PATJ: variants seen among roughly 807,000 people sequenced by gnomAD.
PATJ encodes inaD-like protein.
Under a neutral mutation model 224.9 loss-of-function variants are expected in PATJ, and 190 were observed. The ratio of observed to expected loss-of-function variants is 0.84; its 90% confidence interval spans 0.75 to 0.95. The LOEUF (loss-of-function observed/expected upper bound fraction) is 0.95. Ranked by LOEUF, PATJ falls within the 40% of genes least tolerant of loss-of-function variation. The pLI, the probability that PATJ is intolerant of heterozygous loss-of-function variation, is 0.00. For synonymous variants in PATJ, 769 were observed against 820.3 expected, an observed-to-expected ratio of 0.94 and a Z score of 1.07; for missense variants, 2,121 against 2,270.3, an observed-to-expected ratio of 0.93 and a Z score of 1.34.
chr1:62,079,625 C>A, intron 32 of PATJ, 58 bp downstream of exon 32: 2 of 1,097,752 alleles, frequency 1.8e-6, no homozygotes, highest in South Asian at 1.3e-5. Context: ...GGCAAGGGAT[C>A]ATAATGTCCT....
intron 17 of PATJ, among the ~76,000 whole-genome samples, chr1:61,834,720 A>G (rs1659890684): frequency 6.6e-6 from 1 of 152,168 alleles, no homozygotes; most frequent in African/African-American, 2.4e-5. Flanking sequence ...TAGTTTGAGC[A>G]TTGTATAAGA....
Position 61,814,519 on chromosome 1 carries a change from AGTGT to A in PATJ, c.1683+6015_1683+6018del, listed in dbSNP as rs67159092. Among the ~76,000 whole-genome samples, 500 of 144,032 alleles carry A rather than the reference AGTGT, an allele frequency of 3.5e-3. 1 individual carries two copies. The highest frequency in any genetic ancestry group is 7.1e-3 in the Middle Eastern group (2 of 280). The allele number at this position is 144,032 out of a possible 152,430, so 94.5% of individuals were successfully genotyped here. On this transcript the variant is annotated intron_variant, in intron 14 of 43. Transcript: ENST00000642238. ...AGTCAGTATTACCTGCCTTTTGTTT[AGTGT>A]GTGTGTGTGTGTGTGTGTGTGTGTG...
chr1:62,007,726 G>A (rs1646175921), intron 28 of PATJ, among the ~76,000 whole-genome samples: 1 of 152,150 alleles, frequency 6.6e-6, no homozygotes, highest in South Asian at 2.1e-4. Flanking sequence ...TTCTTGTTGA[G>A]GGCTGTCTTC....
chr1:62,123,257 G>T (rs1352573412), intron 39 of PATJ, among the ~76,000 whole-genome samples, 199 bp downstream of exon 39: 2 of 151,822 alleles, frequency 1.3e-5, no homozygotes, highest in Non-Finnish European at 2.9e-5. Flanking sequence ...TGAATTTTTT[G>T]GCAAATCTCA....
At chr1:62,060,990 C>T (rs1004574451) in intron 31 of PATJ, among the ~76,000 whole-genome samples, 1 of 151,894 alleles carries the variant, frequency 6.6e-6, no homozygotes, top group Non-Finnish European at 1.5e-5. Flanking sequence ...CCACGCCCAG[C>T]CATTCAACTT....
intron 39 of PATJ, among the ~76,000 whole-genome samples, chr1:62,124,766 G>A (rs1301024684): frequency 1.3e-5 from 2 of 152,110 alleles, no homozygotes; most frequent in Admixed American, 1.3e-4. Context: ...CATCCCTGGT[G>A]TCTCTCCTAT....
At chr1:61,745,892 C>T (rs1191803997) in intron 1 of PATJ, among the ~76,000 whole-genome samples, 2 of 151,384 alleles carry the variant, frequency 1.3e-5, no homozygotes, top group African/African-American at 4.9e-5. Flanking sequence ...GCGTGAACCA[C>T]CGGGCCTGGC....
chr1:61,885,903 C>T lies in PATJ; in HGVS notation c.3131+1495C>T, dbSNP rs113427466. Among the ~76,000 whole-genome samples, 1,260 of 151,358 alleles carry T rather than the reference C, an allele frequency of 8.3e-3. 21 individuals carry two copies. The highest frequency in any genetic ancestry group is 0.029 in the African/African-American group (1,189 of 41,134). On this transcript the variant is annotated intron_variant, in intron 22 of 43. Coordinates refer to ENST00000642238, the MANE Select transcript of PATJ (RefSeq NM_001350145.3). ...GGACATGGATGAAATTGGAAATCAT[C>T]GTTCTCAGTAAACTATCGCAAGGAG...
intron 22 of PATJ, among the ~76,000 whole-genome samples, chr1:61,898,948 A>G (rs1670743134): frequency 7.3e-6 from 1 of 136,354 alleles, no homozygotes; most frequent in African/African-American, 2.9e-5. Flanking sequence ...CACCATGCAC[A>G]GCTGATTTTT....
intron 11 of PATJ, among the ~76,000 whole-genome samples, chr1:61,798,073 T>C (rs111498051): frequency 0.014 from 2,084 of 152,362 alleles, 46 homozygotes; most frequent in African/African-American, 0.046. Context: ...TCCAACATGC[T>C]GTAATTACAC....
chr1:62,097,740 A>G (rs544554639), intron 33 of PATJ, among the ~76,000 whole-genome samples: 4 of 152,324 alleles, frequency 2.6e-5, no homozygotes, highest in Admixed American at 6.5e-5. Context: ...GTTTTAAGCC[A>G]CTAAGTTTTG....
chr1:62,135,290 G>C (rs1430006351), intron 41 of PATJ, among the ~76,000 whole-genome samples: 2 of 152,068 alleles, frequency 1.3e-5, no homozygotes, highest in African/African-American at 2.4e-5. Context: ...GCCGAGGTGG[G>C]GGGGATCGCT....
In PATJ at chr1:62,125,255, AAAAAAAAAC is replaced by A. The variant is rs1487349253; in HGVS notation, c.5043+2206_5043+2214del. On this transcript the variant is annotated intron_variant, in intron 39 of 43. Transcript: ENST00000642238. ...CTGTCTCAAAAAAAAAAAAAAAAAC[AAAAAAAAAC>A]AAAAAAAAAACGCCATTAGCTCTAT... 9.4e-4 allele frequency among the ~76,000 whole-genome samples: 81 copies of A among 86,218 alleles called. 6 individuals carry two copies. Among genetic ancestry groups the A allele is most frequent in the East Asian group, 5.5e-3 (18 of 3,278 alleles). 56.6% of individuals were successfully genotyped at this position (86,218 alleles called of 152,430 possible). A position where few individuals can be genotyped will look rare whatever the true frequency, so the allele number is the denominator to read the frequency against.
At chr1:62,077,813 T>TTCC (rs1658574728) in intron 31 of PATJ, among the ~76,000 whole-genome samples, 1 of 152,234 alleles carries the variant, frequency 6.6e-6, no homozygotes, top group Non-Finnish European at 1.5e-5. Flanking sequence ...AACTATTGAC[T>TTCC]TCCGGTTCTA....
chr1:62,047,712 ATTTCTG>A (rs1166796020), intron 30 of PATJ, among the ~76,000 whole-genome samples: 27 of 152,310 alleles, frequency 1.8e-4, no homozygotes, highest in African/African-American at 5.8e-4. Flanking sequence ...TTTGTTCAGA[ATTTCTG>A]TTTCTAACAC....
At chr1:61,900,991 A>G (rs1417853801) in intron 23 of PATJ, among the ~76,000 whole-genome samples, 1 of 152,226 alleles carries the variant, frequency 6.6e-6, no homozygotes, top group African/African-American at 2.4e-5. Flanking sequence ...GACAGAAAAT[A>G]TATTATAATA....
At chr1:62,153,960 A>G (rs1015026452) in intron 43 of PATJ, among the ~76,000 whole-genome samples, 6 of 152,108 alleles carry the variant, frequency 3.9e-5, no homozygotes, top group African/African-American at 1.4e-4. Context: ...CTGGAGTGCA[A>G]TGGCTTGATC....
chr1:61,813,378 TACACACACACACACACACACATACACAC>T (rs1655347554), intron 14 of PATJ, among the ~76,000 whole-genome samples: 2 of 46,366 alleles, frequency 4.3e-5, no homozygotes, highest in South Asian at 8.4e-4. Context: ...TATATATATA[TACACACACACACACACACACATACACAC>T]ATATACATAT....
chr1:61,911,695 T>TATATATATATATATATATATA (rs1672666028), intron 25 of PATJ, among the ~76,000 whole-genome samples: 2 of 140,616 alleles, frequency 1.4e-5, no homozygotes, highest in Non-Finnish European at 3.1e-5. Flanking sequence ...CTATATATTT[T>TATATATATATATATATATATA]TATATATATA....
Sources: allele counts gnomAD v4.1 joint callset (sites outside exome capture counted in the v4.1 genomes callset), GRCh38; gene constraint gnomAD v4.1.1; transcripts MANE v1.5; gene names NCBI Gene and HGNC (gene_info 2026-07-23, HGNC 2026-07-21).